Variants in SLC30A10 observed in about 807,000 individuals in gnomAD.
SLC30A10 encodes calcium/manganese antiporter SLC30A10.
In SLC30A10, 8 loss-of-function variants were observed where a neutral mutation model predicts 21.7. The ratio of observed to expected loss-of-function variants is 0.37; its 90% CI spans 0.22 to 0.67. The LOEUF is 0.67. SLC30A10 is among the 30% of genes least tolerant of loss of function. The probability of loss-of-function intolerance (pLI) is 0.58; values close to 1 mark genes in which losing one functional copy is unlikely to be tolerated. For synonymous variants in SLC30A10, 272 were observed against 279.4 expected (o/e 0.97, Z 0.26); for missense variants, 521 against 642.5 (o/e 0.81, Z 2.04).
intron 1 of SLC30A10, among the ~76,000 whole-genome samples, chr1:219,940,241 G>A (rs1343009892): frequency 1.3e-5 from 2 of 152,162 alleles, no homozygotes; most frequent in Non-Finnish European, 2.9e-5. Flanking sequence ...AAGCCAAGAC[G>A]CAAGGAGCAG....
chr1:219,945,438 T>A (rs982786487), intron 1 of SLC30A10, among the ~76,000 whole-genome samples: 2 of 152,130 alleles, frequency 1.3e-5, no homozygotes, highest in African/African-American at 4.8e-5. Context: ...AATAAAATTT[T>A]AAAAAATTGA....
At chr1:219,937,082 T>C (rs1293176949) in intron 1 of SLC30A10, among the ~76,000 whole-genome samples, 2 of 152,242 alleles carry the variant, frequency 1.3e-5, no homozygotes, top group African/African-American at 2.4e-5. Flanking sequence ...GTCATTATGT[T>C]GCCATTCATA....
At chr1:219,926,740 C>A (rs953968514) in intron 2 of SLC30A10, among the ~76,000 whole-genome samples, 1 of 152,084 alleles carries the variant, frequency 6.6e-6, no homozygotes, top group African/African-American at 2.4e-5. Context: ...TAGCAATATC[C>A]ACGGACCAGT....
chr1:219,934,584 A>G (rs1375397074), intron 1 of SLC30A10, among the ~76,000 whole-genome samples: 2 of 152,216 alleles, frequency 1.3e-5, no homozygotes, highest in African/African-American at 2.4e-5. Context: ...CAATTTTTAT[A>G]TAACACCAGG....
At chr1:219,929,154 G>C (rs1659925740), upstream of SLC30A10, among the ~76,000 whole-genome samples, 1 of 152,146 alleles carries the variant, frequency 6.6e-6, no homozygotes, top group Admixed American at 6.5e-5. Flanking sequence ...ATCCTCTCTT[G>C]TTCCTCACAG....
At chr1:219,948,355 C>T (rs1273956916) in intron 1 of SLC30A10, among the ~76,000 whole-genome samples, 1 of 151,946 alleles carries the variant, frequency 6.6e-6, no homozygotes, top group Non-Finnish European at 1.5e-5. Flanking sequence ...TACCTGACTT[C>T]AAACTATACT....
chr1:219,929,034 G>A (rs79987108), upstream of SLC30A10, among the ~76,000 whole-genome samples: 4,195 of 152,336 alleles, frequency 0.028, 134 homozygotes, highest in African/African-American at 0.073. Context: ...CACAGGCTTG[G>A]GGCAACTTGC....
At chr1:219,925,734 C>T (rs973559668) in intron 2 of SLC30A10, among the ~76,000 whole-genome samples, 7 of 138,486 alleles carry the variant, frequency 5.1e-5, no homozygotes, top group African/African-American at 1.9e-4. Flanking sequence ...CGGCTCACTG[C>T]AACCTCCACC....
In SLC30A10 at chr1:219,915,458, C is replaced by A. The variant is rs148203711; in HGVS notation, c.1449G>T (p.Thr483=). The change falls in exon 4 of 4, where the codon ACG becomes ACT. Residue 483 remains threonine, a synonymous_variant. Transcript: ENST00000366926. ...TQEDQCYVNR[T]HF is the part of the protein sequence containing the mutation. ...TTATGTGAGTACCAGATTAAAAATG[C>A]GTTCTGTTGACATAACATTGGTCCT... is the stretch of plus-strand genomic sequence containing the variant. The A allele has an allele frequency of 2.5e-6, 4 of 1,613,092 alleles. No individual in the cohort carries two copies. In the South Asian group the frequency reaches 3.3e-5, roughly 13 times the overall value.
At chr1:219,934,595 A>T (rs1390489632) in intron 1 of SLC30A10, among the ~76,000 whole-genome samples, 1 of 152,210 alleles carries the variant, frequency 6.6e-6, no homozygotes, top group Non-Finnish European at 1.5e-5. Context: ...TAACACCAGG[A>T]TGATGCCTTT....
At chr1:219,953,147 C>T (rs772099676) in intron 1 of SLC30A10, among the ~76,000 whole-genome samples, 1 of 152,192 alleles carries the variant, frequency 6.6e-6, no homozygotes, top group East Asian at 1.9e-4. Context: ...CAGATATAGA[C>T]AAAATGCAAA....
chr1:219,946,792 T>C (rs754732581), intron 1 of SLC30A10, among the ~76,000 whole-genome samples: 26 of 152,132 alleles, frequency 1.7e-4, no homozygotes, highest in Non-Finnish European at 3.2e-4. Context: ...AGGAAGCCAA[T>C]TGTGACATCC....
intron 1 of SLC30A10, among the ~76,000 whole-genome samples, 163 bp downstream of exon 1, chr1:219,927,638 T>TAAAAA (rs77015523): frequency 4.9e-4 from 26 of 53,410 alleles, no homozygotes; most frequent in Non-Finnish European, 7.0e-4. Flanking sequence ...ATGGATTTAT[T>TAAAAA]AAAAAAAAAA....
intron 1 of SLC30A10, among the ~76,000 whole-genome samples, chr1:219,927,396 A>AG (rs927058795): frequency 6.6e-6 from 1 of 151,802 alleles, no homozygotes; most frequent in Non-Finnish European, 1.5e-5. Context: ...ATGGGCAAAG[A>AG]GGGGGGGAGA....
At chr1:219,951,503 C>T (rs1422640751) in intron 1 of SLC30A10, among the ~76,000 whole-genome samples, 10 of 151,478 alleles carry the variant, frequency 6.6e-5, no homozygotes, top group Admixed American at 4.6e-4. Flanking sequence ...GTGTGGATCA[C>T]GAGGTCAGGA....
At chr1:219,927,682 A>ACC in intron 1 of SLC30A10, 119 bp downstream of exon 1, 1 of 469,402 alleles carries the variant, frequency 2.1e-6, no homozygotes, top group Non-Finnish European at 3.0e-6. Flanking sequence ...CAACAACAAA[A>ACC]AAAAAAAAAC....
Position 219,914,163 on chromosome 1 carries a change from G to A in SLC30A10, c.*1286C>T, listed in dbSNP as rs1659477147. 3 of 152,216 alleles carry A rather than the reference G, an allele frequency of 2.0e-5. No homozygotes were observed. In the South Asian group the frequency reaches 6.2e-4, roughly 32 times the overall value. 9.4% of individuals were successfully genotyped at this position (152,216 alleles called of 1,614,324 possible). A position where few individuals can be genotyped will look rare whatever the true frequency, so the allele number is the denominator to read the frequency against. On this transcript the variant is annotated 3_prime_UTR_variant, in exon 4 of 4. Transcript: ENST00000366926. Reference sequence around the variant, plus strand: ...AGAGATGATACTAGTTGTCTAGTGAGGCACTTCCCATTTTCTCATACCTGT... The same window carrying A: ...AGAGATGATACTAGTTGTCTAGTGAAGCACTTCCCATTTTCTCATACCTGT...
upstream of SLC30A10, among the ~76,000 whole-genome samples, chr1:219,930,677 C>A (rs1159864450): frequency 6.6e-6 from 1 of 152,144 alleles, no homozygotes; most frequent in East Asian, 1.9e-4. Context: ...GGAAAATATC[C>A]TTATATTGAG....
At chr1:219,941,673 C>T (rs997284442) in intron 1 of SLC30A10, among the ~76,000 whole-genome samples, 6 of 150,040 alleles carry the variant, frequency 4.0e-5, no homozygotes, top group African/African-American at 1.2e-4. Context: ...TTCCTTCCTC[C>T]CTTCCTTTCT....
Sources: allele counts gnomAD v4.1 joint callset (sites outside exome capture counted in the v4.1 genomes callset), GRCh38; gene constraint gnomAD v4.1.1; transcripts MANE v1.5; gene names NCBI Gene and HGNC (gene_info 2026-07-23, HGNC 2026-07-21).